TBC1D31: variants seen among roughly 807,000 people sequenced by gnomAD.
TBC1D31 encodes the protein TBC1 domain family member 31, also known as WD repeat domain 67.
A neutral mutation model predicts 132.9 loss-of-function variants in TBC1D31; 99 were observed. That is an observed-to-expected ratio of 0.74 (90% confidence interval 0.63 to 0.88). TBC1D31 has a LOEUF of 0.88. Among genes scored for constraint, TBC1D31 ranks in the 40% least tolerant of loss-of-function variants. The pLI is 0.00. For missense variants in TBC1D31, 1,134 were observed against 1,256.6 expected (o/e 0.90, Z 1.48); for synonymous variants, 385 against 419.4 (o/e 0.92, Z 1.00).
intron 10 of TBC1D31, among the ~76,000 whole-genome samples, chr8:123,114,349 T>C (rs946550848): frequency 6.6e-6 from 1 of 150,474 alleles, no homozygotes; most frequent in East Asian, 1.9e-4. Context: ...AGACAGAGTT[T>C]CCACTCTGCT....
chr8:123,144,615 T>G, intron 19 of TBC1D31, 102 bp from the exon 20 acceptor site: 3 of 1,145,048 alleles, frequency 2.6e-6, no homozygotes, highest in Non-Finnish European at 3.6e-6. Flanking sequence ...CATGGGAATA[T>G]AAAGGAAAGT....
chr8:123,106,093 A>G, intron 8 of TBC1D31, among the ~76,000 whole-genome samples: 1 of 152,178 alleles, frequency 6.6e-6, no homozygotes, highest in East Asian at 1.9e-4. Context: ...ATAATACCTG[A>G]TATTTTTCAC....
chr8:123,162,710 A>T, the TBC1D31 span, among the ~76,000 whole-genome samples: 1 of 152,242 alleles, frequency 6.6e-6, no homozygotes, highest in East Asian at 1.9e-4. Flanking sequence ...TGCACGAATA[A>T]TATGTACTAA....
intron 1 of TBC1D31, among the ~76,000 whole-genome samples, chr8:123,075,419 C>T (rs1009987094): frequency 6.6e-6 from 1 of 152,076 alleles, no homozygotes; most frequent in African/African-American, 2.4e-5. Flanking sequence ...AATCCAAAAA[C>T]TAGGCAAGGT....
the TBC1D31 span, among the ~76,000 whole-genome samples, chr8:123,162,442 C>T: frequency 6.6e-6 from 1 of 152,066 alleles, no homozygotes; most frequent in South Asian, 2.1e-4. Flanking sequence ...AGACCCCCAG[C>T]ACACCCAGGC....
At chr8:123,163,185 G>A in the TBC1D31 span, among the ~76,000 whole-genome samples, 1 of 151,852 alleles carries the variant, frequency 6.6e-6, no homozygotes, top group Non-Finnish European at 1.5e-5. Flanking sequence ...CTCCCAGAGT[G>A]CTGGGATTAC....
chr8:123,082,889 C>T (rs1815316119), intron 3 of TBC1D31, 72 bp downstream of exon 3: 3 of 1,034,998 alleles, frequency 2.9e-6, no homozygotes, highest in Non-Finnish European at 1.4e-6. Context: ...AACTTTATCA[C>T]TCTGTACAGC....
Position 123,109,299 on chromosome 8 carries a change from T to C in TBC1D31, c.1210-18T>C, listed in dbSNP as rs1382789462. ...TTAATGATTGTGTCATTTATTAATA[T>C]TGTCTTTTTCTTTGTAGAATGAATT... On this transcript the variant is annotated intron_variant, in intron 8 of 21. Coordinates refer to ENST00000287380, the MANE Select transcript of TBC1D31 (RefSeq NM_145647.4). 1 of 1,517,842 alleles carries C rather than the reference T, an allele frequency of 6.6e-7. No individual in the cohort carries two copies. The highest frequency in any genetic ancestry group is 9.1e-7 in the Non-Finnish European group (1 of 1,104,082). The allele number at this position is 1,517,842 out of a possible 1,614,324, so 94.0% of individuals were successfully genotyped here.
At chr8:123,164,831 G>T in the TBC1D31 span, among the ~76,000 whole-genome samples, 1 of 152,286 alleles carries the variant, frequency 6.6e-6, no homozygotes, top group Admixed American at 6.5e-5. Context: ...CCCTGTGAGT[G>T]GTCTTCCTAC....
intron 2 of TBC1D31, among the ~76,000 whole-genome samples, chr8:123,077,554 C>T (rs1814666178): frequency 7.3e-6 from 1 of 137,372 alleles, no homozygotes; most frequent in South Asian, 2.3e-4. Flanking sequence ...TTTCTTCAGA[C>T]GGAGCCTTGT....
intron 1 of TBC1D31, chr8:123,073,470 G>A (rs1400339890): frequency 2.2e-6 from 1 of 452,562 alleles, no homozygotes; most frequent in Admixed American, 2.4e-5. Context: ...CATTGCTGGG[G>A]GGCTTCTAGT....
At chr8:123,095,121 T>TA (rs1339614393) in intron 5 of TBC1D31, among the ~76,000 whole-genome samples, 1 of 152,236 alleles carries the variant, frequency 6.6e-6, no homozygotes, top group Admixed American at 6.5e-5. Context: ...GATCCTCTGT[T>TA]ACCTGTATTT....
chr8:123,142,511 TTTAA>T, intron 19 of TBC1D31, 55 bp downstream of exon 19: 1 of 1,349,582 alleles, frequency 7.4e-7, no homozygotes, highest in Non-Finnish European at 9.7e-7. Context: ...TTTTTTTTTT[TTTAA>T]AAGACAGAGT....
the TBC1D31 span, among the ~76,000 whole-genome samples, chr8:123,159,917 C>A: frequency 2.6e-5 from 4 of 152,160 alleles, no homozygotes; most frequent in Admixed American, 2.0e-4. Context: ...ACAGTTTTAG[C>A]GTCACAGAAA....
chr8:123,078,117 G>A (rs917305351), intron 2 of TBC1D31, among the ~76,000 whole-genome samples: 2 of 152,080 alleles, frequency 1.3e-5, no homozygotes, highest in East Asian at 1.9e-4. Flanking sequence ...AATTTAGTCC[G>A]AAAGCAATTA....
chr8:123,152,669 G>A (rs1412818211), downstream of TBC1D31, among the ~76,000 whole-genome samples: 10 of 152,102 alleles, frequency 6.6e-5, no homozygotes, highest in African/African-American at 2.2e-4. Context: ...TCAGGAGTTC[G>A]AGACCAGCCT....
intron 6 of TBC1D31, among the ~76,000 whole-genome samples, chr8:123,098,580 G>A (rs1043906366): frequency 1.3e-5 from 2 of 152,208 alleles, no homozygotes; most frequent in Non-Finnish European, 2.9e-5. Flanking sequence ...GAGCCACTGC[G>A]CCCAGTCTAC....
chr8:123,122,225 A>G (rs1819568510), intron 11 of TBC1D31, among the ~76,000 whole-genome samples: 1 of 152,208 alleles, frequency 6.6e-6, no homozygotes, highest in African/African-American at 2.4e-5. Flanking sequence ...TGAGACTTAG[A>G]CAGATACCCA....
chr8:123,160,453 A>T, the TBC1D31 span, among the ~76,000 whole-genome samples: 1 of 151,574 alleles, frequency 6.6e-6, no homozygotes, highest in Admixed American at 6.6e-5. Context: ...GAAGTTGGGG[A>T]GGAGAAGGAG....
Sources: allele counts gnomAD v4.1 joint callset (sites outside exome capture counted in the v4.1 genomes callset), GRCh38; gene constraint gnomAD v4.1.1; transcripts MANE v1.5; gene names NCBI Gene and HGNC (gene_info 2026-07-23, HGNC 2026-07-21).